RRBP1: variants seen among roughly 807,000 people sequenced by gnomAD.
RRBP1 encodes ribosome binding protein 1.
RRBP1 carries 94 observed loss-of-function variants against 165.2 expected under a neutral mutation model. The ratio of observed to expected loss-of-function variants is 0.57; its 90% CI spans 0.48 to 0.68. The LOEUF (loss-of-function observed/expected upper bound fraction) is 0.68, where lower values mean the gene tolerates loss of function less well. Among genes scored for constraint, RRBP1 ranks in the 30% least tolerant of loss-of-function variants. The probability of loss-of-function intolerance (pLI) is 0.00; values close to 1 mark genes in which losing one functional copy is unlikely to be tolerated. For synonymous variants in RRBP1, 680 were observed against 714.5 expected (o/e 0.95, Z 0.77); for missense variants, 1,676 against 1,763.0 (o/e 0.95, Z 0.88).
rs563584903 is a variant in RRBP1 at position 17,652,465 on chromosome 20, G to A, written c.1912+6131C>T. On this transcript the variant is annotated intron_variant, in intron 3 of 24. Transcript: ENST00000377813. ...TCCTGGACTCATGGGAGGAGTTCCC[G>A]TCCTGGCCTGCTCCACACCGGTGAT... 2.8e-4 allele frequency among the ~76,000 whole-genome samples: 43 copies of A among 152,170 alleles called. 1 individual carries two copies. Among genetic ancestry groups the A allele is most frequent in the African/African-American group, 1.0e-3 (43 of 41,514 alleles).
rs2036695813 is a variant in RRBP1, at chr20:17,658,912, C to A, written c.1596G>T (p.Arg532Ser). 2.5e-6 allele frequency: 4 copies of A among 1,613,160 alleles called. 1 individual carries two copies. Among genetic ancestry groups the A allele is most frequent in the African/African-American group, 1.3e-5 (1 of 75,008 alleles). The change falls in exon 3 of 25, where the codon AGG becomes AGT. Residue 532 changes from arginine (R) to serine (S), a missense_variant. Coordinates refer to ENST00000377813, the MANE Select transcript of RRBP1 (RefSeq NM_001365613.2). Reference sequence around the variant, plus strand: ...CTCCTTTTTTGCCTTGGTTGGGACTCCTTTCTGCCTTTTTGCCCTGAGCCC... The same window carrying A: ...CTCCTTTTTTGCCTTGGTTGGGACTACTTTCTGCCTTTTTGCCCTGAGCCC... Reference protein sequence around the residue: ...TEGAQGKKAERSPNQGKKGEG... With the variant: ...TEGAQGKKAESSPNQGKKGEG...
At chr20:17,648,785 C>A (rs2036508045) in intron 3 of RRBP1, among the ~76,000 whole-genome samples, 1 of 152,182 alleles carries the variant, frequency 6.6e-6, no homozygotes, top group African/African-American at 2.4e-5. Context: ...AAAAAACCCA[C>A]ATCACAATAT....
At chr20:17,619,213 C>T (rs961240105) in intron 19 of RRBP1, 3 of 178,084 alleles carry the variant, frequency 1.7e-5, no homozygotes, top group African/African-American at 7.1e-5. Flanking sequence ...GCCGCTGTGC[C>T]TGGCCCAAAA....
At chr20:17,664,540 A>G (rs1447730008) in intron 2 of RRBP1, among the ~76,000 whole-genome samples, 3 of 152,264 alleles carry the variant, frequency 2.0e-5, no homozygotes, top group African/African-American at 7.2e-5. Context: ...GACTGAACTC[A>G]CTGGCCCACC....
rs747957678 is a variant in RRBP1, at chr20:17,643,173, C to T, written c.1913-46G>A. 4 of 1,595,740 alleles carry T rather than the reference C, an allele frequency of 2.5e-6. No individual in the cohort carries two copies. The highest frequency in any genetic ancestry group is 1.7e-6 in the Non-Finnish European group (2 of 1,170,792). On this transcript the variant is annotated intron_variant, in intron 3 of 24. Transcript: ENST00000377813. The surrounding 1 kb of genome is among the most constrained non-coding windows in gnomAD (Gnocchi z 4.3). ...AGCTGAGACTTAGGCCCATAAGCCA[C>T]AACACACGTGGCCACAATGCCCATC...
intron 3 of RRBP1, among the ~76,000 whole-genome samples, chr20:17,646,406 G>T (rs1417385413): frequency 1.3e-5 from 2 of 152,220 alleles, no homozygotes; most frequent in African/African-American, 4.8e-5. Flanking sequence ...GGGCACCAAG[G>T]TCAGAGCAAG....
chr20:17,675,322 T>C (rs2037057737), intron 2 of RRBP1, among the ~76,000 whole-genome samples: 1 of 152,242 alleles, frequency 6.6e-6, no homozygotes, highest in African/African-American at 2.4e-5. Flanking sequence ...CTACATGATA[T>C]ACTCGCAGAA....
rs1037575273 is a variant in RRBP1, at chr20:17,653,781, C to A, written c.1912+4815G>T. 2.0e-5 allele frequency among the ~76,000 whole-genome samples: 3 copies of A among 150,844 alleles called. No individual in the cohort carries two copies. In the Admixed American group the frequency reaches 2.0e-4, roughly 10 times the overall value. ...CCCAAGAGGCAGAGGTTGCAGTGAGCCGAGATCGTGCCATTACATGCCAGC... is the reference window on the plus strand; with the variant it reads ...CCCAAGAGGCAGAGGTTGCAGTGAGACGAGATCGTGCCATTACATGCCAGC... On this transcript the variant is annotated intron_variant, in intron 3 of 24. Transcript: ENST00000377813.
chr20:17,648,486 A>T (rs1219302866), intron 3 of RRBP1, among the ~76,000 whole-genome samples: 1 of 152,266 alleles, frequency 6.6e-6, no homozygotes, highest in South Asian at 2.1e-4. Context: ...CAGGCCAAGG[A>T]GGCGCAGCTG....
At chr20:17,624,725 A>AGT in intron 12 of RRBP1, 57 bp from the exon 13 acceptor site, 1 of 1,264,734 alleles carries the variant, frequency 7.9e-7, no homozygotes, top group Non-Finnish European at 1.1e-6. Flanking sequence ...GGGCTGCCTA[A>AGT]GCTGGTGTCA....
At chr20:17,617,174 T>C (rs1481459282) in intron 20 of RRBP1, among the ~76,000 whole-genome samples, 1 of 152,084 alleles carries the variant, frequency 6.6e-6, no homozygotes, top group African/African-American at 2.4e-5. Context: ...CGCCACACTG[T>C]CTACACCCCC....
chr20:17,679,267 T>A (rs2037135992), intron 2 of RRBP1, among the ~76,000 whole-genome samples: 1 of 152,234 alleles, frequency 6.6e-6, no homozygotes, highest in Non-Finnish European at 1.5e-5. Context: ...GCTTCATTTA[T>A]CCAATGAGAC....
At chr20:17,637,535 G>A (rs1170978276) in intron 5 of RRBP1, among the ~76,000 whole-genome samples, 2 of 152,214 alleles carry the variant, frequency 1.3e-5, no homozygotes, top group Admixed American at 1.3e-4. Flanking sequence ...CAGCAGGCCT[G>A]AGTGACCAGG....
chr20:17,630,536 G>C lies in RRBP1; in HGVS notation c.2611-575C>G, dbSNP rs2036128072. Among the ~76,000 whole-genome samples, 5 of 152,278 alleles carry C rather than the reference G, an allele frequency of 3.3e-5. No individual in the cohort carries two copies. The South Asian group carries it at 1.0e-3, about 32-fold the overall frequency. ...ATCTCAGAGACATTTCCTCACTCAG[G>C]ACAGACAGGCCCACCACACCCTTGT... On this transcript the variant is annotated intron_variant, in intron 8 of 24. Coordinates refer to ENST00000377813, the MANE Select transcript of RRBP1 (RefSeq NM_001365613.2).
rs1250053881 is a variant in RRBP1, at chr20:17,627,582, G to A, written c.2850C>T (p.Asn950=). ...AACGGATTCTCTCTGTGAGCTGGGA[G>A]TTCTCCGCCCTGGCCTCCTGGAGCT... is the stretch of plus-strand genomic sequence containing the variant. ...HGQLQEARAE[N]SQLTERIRSI... The change falls in exon 10 of 25, where the codon AAC becomes AAT. Residue 950 remains asparagine, a synonymous_variant. Transcript: ENST00000377813. The A allele has an allele frequency of 1.2e-6, 2 of 1,613,562 alleles. No individual in the cohort carries two copies. The highest frequency in any genetic ancestry group is 1.7e-5 in the Admixed American group (1 of 60,002).
chr20:17,660,915 T>C (rs2036754265), intron 2 of RRBP1, among the ~76,000 whole-genome samples: 1 of 152,124 alleles, frequency 6.6e-6, no homozygotes, highest in South Asian at 2.1e-4. Context: ...GTGGAGACTG[T>C]AGTAAAAACA....
intron 1 of RRBP1, among the ~76,000 whole-genome samples, chr20:17,681,013 G>C (rs1424647936): frequency 6.6e-6 from 1 of 152,014 alleles, no homozygotes; most frequent in African/African-American, 2.4e-5. Flanking sequence ...TCGGAGAGGG[G>C]TCCCTGAAGC....
chr20:17,615,978 A>G lies in RRBP1; in HGVS notation c.3899T>C (p.Ile1300Thr), dbSNP rs749085783. The G allele has an allele frequency of 6.2e-7, 1 of 1,608,832 alleles. No individual in the cohort carries two copies. The highest frequency in any genetic ancestry group is 8.5e-7 in the Non-Finnish European group (1 of 1,179,908). The change falls in exon 22 of 25, where the codon ATC becomes ACC. Residue 1300 changes from isoleucine to threonine, a missense_variant. Physicochemically the swap from Ile to Thr is moderately conservative, Grantham distance 89. Around this residue, in one of 5 missense-constraint regions of RRBP1, gnomAD observed 1,184 missense variants for 1,167.1 expected, o/e 1.01. Coordinates refer to ENST00000377813, the MANE Select transcript of RRBP1 (RefSeq NM_001365613.2). ...CCGCTGTGTCTGCTCATCCTCCAGG[A>G]TGGCTTCTGTCCACTCCAGCTGCGT... ...LKTQLEWTEA[I>T]LEDEQTQRQK...
chr20:17,627,206 G>A, intron 11 of RRBP1, 142 bp downstream of exon 11: 2 of 781,716 alleles, frequency 2.6e-6, no homozygotes, highest in South Asian at 1.9e-5. Flanking sequence ...AATCACCGGA[G>A]GATGGGGGAG....
Sources: allele counts gnomAD v4.1 joint callset (sites outside exome capture counted in the v4.1 genomes callset), GRCh38; gene constraint gnomAD v4.1.1; regional missense constraint gnomAD v4.1.1; non-coding constraint Gnocchi (gnomAD v3.1); transcripts MANE v1.5; gene names NCBI Gene and HGNC (gene_info 2026-07-23, HGNC 2026-07-21).